Variants in HDHD2 observed in about 807,000 individuals in gnomAD.
The protein encoded by HDHD2 is haloacid dehalogenase-like hydrolase domain-containing protein 2.
A neutral mutation model predicts 24.8 loss-of-function variants in HDHD2; 26 were observed. The ratio of observed to expected loss-of-function variants is 1.05; its 90% CI spans 0.77 to 1.45. The LOEUF (loss-of-function observed/expected upper bound fraction) is 1.45. HDHD2 is among the 40% of genes most tolerant of loss of function. HDHD2 has a pLI of 0.00. For missense variants in HDHD2, 299 were observed against 313.4 expected (o/e 0.95, Z 0.35); for synonymous variants, 128 against 114.9 (o/e 1.11, Z -0.73).
rs369625555 is a variant in HDHD2, at chr18:47,131,610, C to T, written c.311-1282G>A. Among the ~76,000 whole-genome samples the T allele has an allele frequency of 6.9e-4, 105 of 152,214 alleles. No individual in the cohort carries two copies. The South Asian group carries it at 7.5e-3, about 11-fold the overall frequency. On this transcript the variant is annotated intron_variant, in intron 3 of 6. Coordinates refer to ENST00000300605, the MANE Select transcript of HDHD2 (RefSeq NM_032124.5). ...TATTATTTAAAAGAAAAAAGGAGTT[C>T]GTAACTGTATTTCCTATTCAAAAGT... is the stretch of plus-strand genomic sequence containing the variant.
At chr18:47,112,254 C>A (rs1452124766) in intron 6 of HDHD2, among the ~76,000 whole-genome samples, 1 of 152,056 alleles carries the variant, frequency 6.6e-6, no homozygotes, top group Non-Finnish European at 1.5e-5. Flanking sequence ...ACTATGAGGG[C>A]GAGATGGGAC....
At chr18:47,119,735 G>T (rs1048523724) in intron 4 of HDHD2, among the ~76,000 whole-genome samples, 1 of 151,484 alleles carries the variant, frequency 6.6e-6, no homozygotes, top group African/African-American at 2.4e-5. Context: ...TTTCCAGAAG[G>T]TTTTCAATTT....
chr18:47,133,387 G>A (rs1212335003), intron 3 of HDHD2, among the ~76,000 whole-genome samples: 1 of 151,738 alleles, frequency 6.6e-6, no homozygotes, highest in Non-Finnish European at 1.5e-5. Context: ...TCTTAATCCA[G>A]TCTATCATTG....
At chr18:47,127,898 C>T (rs1386628299) in intron 4 of HDHD2, among the ~76,000 whole-genome samples, 3 of 152,134 alleles carry the variant, frequency 2.0e-5, no homozygotes, top group Non-Finnish European at 4.4e-5. Flanking sequence ...AGCCAGCATG[C>T]AATGGGCTTT....
At chr18:47,149,767 T>A (rs1046465209) in intron 1 of HDHD2, among the ~76,000 whole-genome samples, 1 of 152,154 alleles carries the variant, frequency 6.6e-6, no homozygotes. Context: ...CCACCTGTGG[T>A]CCTACTACAT....
rs1299958550 is a variant in HDHD2 at position 47,108,118 on chromosome 18, C to G, written c.*564G>C. On this transcript the variant is annotated 3_prime_UTR_variant, in exon 7 of 7. Transcript: ENST00000300605. Reference sequence around the variant, plus strand: ...AAAGAAGTCACCCGTGCTGGGAATACAGTAGAAAATTTAGTTTTCAACATC... The same window carrying G: ...AAAGAAGTCACCCGTGCTGGGAATAGAGTAGAAAATTTAGTTTTCAACATC... 6.6e-6 allele frequency: 1 copy of G among 152,664 alleles called. No homozygotes were observed. The allele number at this position is 152,664 out of a possible 1,614,324, so 9.5% of individuals were successfully genotyped here. A position where few individuals can be genotyped will look rare whatever the true frequency, so the allele number is the denominator to read the frequency against.
At chr18:47,131,737 TACC>T (rs936756542) in intron 3 of HDHD2, among the ~76,000 whole-genome samples, 1 of 152,178 alleles carries the variant, frequency 6.6e-6, no homozygotes, top group Non-Finnish European at 1.5e-5. Flanking sequence ...TTCCTATATA[TACC>T]TTTAATTAAA....
rs1261441030 is a variant in HDHD2, at chr18:47,119,969, G to C, written c.396-4621C>G. ...CTTTGTCCATGAGCAGTAATATTCTGATGGGAATCTATTTTTCTGACCTGT... is the reference window on the plus strand; with the variant it reads ...CTTTGTCCATGAGCAGTAATATTCTCATGGGAATCTATTTTTCTGACCTGT... On this transcript the variant is annotated intron_variant, in intron 4 of 6. Transcript: ENST00000300605. Among the ~76,000 whole-genome samples the C allele has an allele frequency of 2.6e-5, 4 of 152,160 alleles. No homozygotes were observed. In the East Asian group the frequency reaches 5.8e-4, roughly 22 times the overall value.
chr18:47,114,732 G>A (rs1038829018), intron 5 of HDHD2, among the ~76,000 whole-genome samples: 2 of 152,120 alleles, frequency 1.3e-5, no homozygotes, highest in Non-Finnish European at 2.9e-5. Context: ...AAAAACAATA[G>A]TGGTAGAATT....
At chr18:47,110,614 A>C (rs759162370) in intron 6 of HDHD2, 5 of 985,200 alleles carry the variant, frequency 5.1e-6, no homozygotes, top group Non-Finnish European at 3.6e-6. Flanking sequence ...TGGCTTAGGT[A>C]TATGTTTTAG....
At chr18:47,127,881 C>T (rs930392254) in intron 4 of HDHD2, among the ~76,000 whole-genome samples, 6 of 152,196 alleles carry the variant, frequency 3.9e-5, no homozygotes, top group African/African-American at 7.2e-5. Context: ...ATGTAACATG[C>T]CTCTGAAGCC....
chr18:47,142,802 A>G (rs2571022), intron 1 of HDHD2, among the ~76,000 whole-genome samples: 20,323 of 152,230 alleles, frequency 0.13, 1,766 homozygotes, highest in Non-Finnish European at 0.2. Context: ...TAGTTGGGAA[A>G]ACCAAGGTCC....
intron 1 of HDHD2, chr18:47,137,062 C>T: frequency 6.9e-6 from 5 of 725,938 alleles, no homozygotes; most frequent in Admixed American, 1.8e-5. Flanking sequence ...CTGAGAACAA[C>T]GATCATATTA....
chr18:47,141,020 G>T (rs2063815129), intron 1 of HDHD2, among the ~76,000 whole-genome samples: 1 of 152,118 alleles, frequency 6.6e-6, no homozygotes, highest in Non-Finnish European at 1.5e-5. Flanking sequence ...TTGAATAGAA[G>T]TAGTGATAGC....
At chr18:47,135,265 T>C (rs538189418) in intron 2 of HDHD2, among the ~76,000 whole-genome samples, 181 of 149,852 alleles carry the variant, frequency 1.2e-3, no homozygotes, top group South Asian at 3.8e-3. Context: ...TTTCTTTTTT[T>C]TTTTTTTTTT....
At chr18:47,110,706 C>T in intron 6 of HDHD2, 1 of 985,386 alleles carries the variant, frequency 1.0e-6, no homozygotes, top group Non-Finnish European at 1.2e-6. Context: ...GGCTGATTCA[C>T]TCACTGCAGC....
At chr18:47,142,232 T>A (rs930088869) in intron 1 of HDHD2, among the ~76,000 whole-genome samples, 1 of 151,750 alleles carries the variant, frequency 6.6e-6, no homozygotes, top group Non-Finnish European at 1.5e-5. Context: ...CTTAAAATAA[T>A]ATGAAATTAA....
intron 4 of HDHD2, among the ~76,000 whole-genome samples, chr18:47,125,201 A>G (rs569744289): frequency 5.9e-5 from 9 of 152,300 alleles, no homozygotes; most frequent in African/African-American, 2.2e-4. Flanking sequence ...ATAGGAACTC[A>G]GTAAAGATAC....
At chr18:47,122,889 TA>T (rs71162832) in intron 4 of HDHD2, among the ~76,000 whole-genome samples, 35 of 146,960 alleles carry the variant, frequency 2.4e-4, no homozygotes, top group African/African-American at 2.7e-4. Flanking sequence ...AATCAGAATT[TA>T]AAAAAAAAAA....
Sources: gnomAD v4.1 joint callset for allele counts (sites outside exome capture counted in the v4.1 genomes callset) on GRCh38, gnomAD v4.1.1 for gene constraint, MANE v1.5 for transcripts, NCBI Gene and HGNC (gene_info 2026-07-23, HGNC 2026-07-21) for gene names.